The following MFSD12 variants were observed in gnomAD, a reference collection of about 807,000 sequenced individuals.
MFSD12 encodes major facilitator superfamily domain-containing protein 12.
A neutral mutation model predicts 51.2 loss-of-function variants in MFSD12; 67 were observed. The ratio of observed to expected loss-of-function variants is 1.31; its 90% CI spans 1.08 to 1.60. The LOEUF is 1.60. MFSD12 is among the 40% of genes most tolerant of loss of function. The probability of loss-of-function intolerance (pLI) is 0.00; values close to 1 mark genes in which losing one functional copy is unlikely to be tolerated. For missense variants in MFSD12, 921 were observed against 673.0 expected, an observed-to-expected ratio of 1.37 and a Z score of -4.08; for synonymous variants, 441 against 316.7, an observed-to-expected ratio of 1.39 and a Z score of -4.17.
At chr19:3,540,128 C>T (rs1393014754), downstream of MFSD12, 1 of 127,260 alleles carries the variant, frequency 7.9e-6, no homozygotes, top group Non-Finnish European at 1.6e-5. Flanking sequence ...CAGTCTCATA[C>T]TGTTGCCCAG....
At chr19:3,543,777 T>C, downstream of MFSD12, 1 of 1,491,018 alleles carries the variant, frequency 6.7e-7, no homozygotes, top group Non-Finnish European at 9.0e-7. Flanking sequence ...AGCCCCTTGC[T>C]GGCCAACGGC....
At position 3,557,233 on chromosome 19, in the gene MFSD12, G is replaced by A; in HGVS notation, c.171C>T (p.Gly57=). Residue 57 remains glycine (G), a synonymous_variant, in exon 1 of 10, where the codon GGC becomes GGT. Coordinates refer to ENST00000355415, the MANE Select transcript of MFSD12 (RefSeq NM_174983.5). The part of the protein sequence containing the change: ...LHSVRAYSSR[G]AGLLLLLGQV... ...GGCCCAGCAGCAGCAGCAGCCCCGC[G>A]CCGCGGGAGCTGTAGGCGCGCACCG... 1 of 1,591,766 alleles carries A rather than the reference G, an allele frequency of 6.3e-7. No homozygotes were observed. Among genetic ancestry groups the A allele is most frequent in the Non-Finnish European group, 8.5e-7 (1 of 1,171,130 alleles).
At chr19:3,555,270 G>A (rs550049675) in intron 1 of MFSD12, among the ~76,000 whole-genome samples, 13 of 152,186 alleles carry the variant, frequency 8.5e-5, no homozygotes, top group Admixed American at 2.6e-4. Context: ...CACCACGCTC[G>A]GCTAATTTTT....
At position 3,546,313 on chromosome 19, in the gene MFSD12, C is replaced by G; in HGVS notation, c.1136G>C (p.Cys379Ser). 1 of 1,609,488 alleles carries G rather than the reference C, an allele frequency of 6.2e-7. No homozygotes were observed. Among genetic ancestry groups the G allele is most frequent in the Non-Finnish European group, 8.5e-7 (1 of 1,178,732 alleles). The stretch of plus-strand genomic sequence containing the variant: ...CAGCGAGGTGACGAGGATGGTGGCA[C>G]AGCCAGCACCCAGCAGCACAGCCGC... ...YAAAVLLGAGCATILVTSLAM... is the reference protein window; with the variant it reads ...YAAAVLLGAGSATILVTSLAM... The change falls in exon 7 of 10, where the codon TGT (cysteine) becomes TCT (serine). Residue 379 changes from cysteine (C) to serine (S), a missense_variant. Cys to Ser is a moderately radical substitution (Grantham distance 112). Coordinates refer to ENST00000355415, the MANE Select transcript of MFSD12 (RefSeq NM_174983.5).
At chr19:3,545,493 G>C (rs1337749537) in intron 8 of MFSD12, among the ~76,000 whole-genome samples, 1 of 152,206 alleles carries the variant, frequency 6.6e-6, no homozygotes, top group Non-Finnish European at 1.5e-5. Context: ...GGCACTACTT[G>C]TCCCTCCCCA....
chr19:3,540,084 CT>C (rs1341120606), downstream of MFSD12: 3 of 132,100 alleles, frequency 2.3e-5, no homozygotes, highest in African/African-American at 8.7e-5. Flanking sequence ...AGACCCATCT[CT>C]TTTCTTTTTT....
At chr19:3,550,764 T>TATC (rs1253734375) in intron 2 of MFSD12, among the ~76,000 whole-genome samples, 5 of 151,254 alleles carry the variant, frequency 3.3e-5, no homozygotes, top group African/African-American at 1.2e-4. Context: ...GAGGCAAGAG[T>TATC]ATCACTTGAG....
At chr19:3,540,089 C>CTTTTTTTTTTTTTTTTTTT (rs770199097), downstream of MFSD12, 2 of 88,190 alleles carry the variant, frequency 2.3e-5, no homozygotes, top group African/African-American at 3.9e-5. Context: ...CATCTCTTTT[C>CTTTTTTTTTTTTTTTTTTT]TTTTTTTTTT....
At chr19:3,543,465 T>C (rs551387577), downstream of MFSD12, 3 of 1,524,264 alleles carry the variant, frequency 2.0e-6, no homozygotes, top group South Asian at 1.2e-5. Context: ...GAGTGCAGCA[T>C]GCCATCGGGT....
chr19:3,546,872 C>T lies in MFSD12; in HGVS notation c.1023+400G>A, dbSNP rs532189574. Among the ~76,000 whole-genome samples, 379 of 152,098 alleles carry T rather than the reference C, an allele frequency of 2.5e-3. 2 individuals carry two copies. The highest frequency in any genetic ancestry group is 8.6e-3 in the African/African-American group (357 of 41,504). ...TCTGGAGACAAGAGTCTCGCTGTGT[C>T]GCCCAGGCTGGAGTGCAGTGGTGTG... On this transcript the variant is annotated intron_variant, in intron 6 of 9. Coordinates refer to ENST00000355415, the MANE Select transcript of MFSD12 (RefSeq NM_174983.5).
At chr19:3,540,160 C>T (rs1306518235), downstream of MFSD12, 8 of 136,026 alleles carry the variant, frequency 5.9e-5, no homozygotes, top group African/African-American at 2.2e-4. Context: ...GTGGCGCAAT[C>T]TTGGCTCACT....
chr19:3,544,529 C>T lies in MFSD12; in HGVS notation c.*181G>A. The T allele has an allele frequency of 1.4e-6, 2 of 1,407,862 alleles. No individual in the cohort carries two copies. The highest frequency in any genetic ancestry group is 9.2e-7 in the Non-Finnish European group (1 of 1,083,552). 87.2% of individuals were successfully genotyped at this position (1,407,862 alleles called of 1,614,324 possible). A position where few individuals can be genotyped will look rare whatever the true frequency, so the allele number is the denominator to read the frequency against. On this transcript the variant is annotated 3_prime_UTR_variant, in exon 10 of 10. Transcript: ENST00000355415. ...ACCCTCAAAACCCAGGGGGTCCTTG[C>T]AAGTCCCTGGCGGGCATCCCTGCTG...
Position 3,544,515 on chromosome 19 carries a change from C to A in MFSD12, c.*195G>T. On this transcript the variant is annotated 3_prime_UTR_variant, in exon 10 of 10. Transcript: ENST00000355415. ...GTTGAGAATGGGACACCCTCAAAACCCAGGGGGTCCTTGCAAGTCCCTGGC... is the reference window on the plus strand; with the variant it reads ...GTTGAGAATGGGACACCCTCAAAACACAGGGGGTCCTTGCAAGTCCCTGGC... 1 of 1,404,500 alleles carries A rather than the reference C, an allele frequency of 7.1e-7. No homozygotes were observed. Among genetic ancestry groups the A allele is most frequent in the South Asian group, 1.7e-5 (1 of 60,382 alleles). 87.0% of individuals were successfully genotyped at this position (1,404,500 alleles called of 1,614,324 possible).
Position 3,546,299 on chromosome 19 carries a change from C to T in MFSD12, c.1150G>A (p.Val384Ile), listed in dbSNP as rs369817504. 7.0e-5 allele frequency: 112 copies of T among 1,610,026 alleles called. No individual in the cohort carries two copies. The highest frequency in any genetic ancestry group is 3.3e-4 in the Middle Eastern group (2 of 6,078). Reference protein sequence around the residue: ...LLGAGCATILVTSLAMTADLI... With the variant: ...LLGAGCATILITSLAMTADLI... The stretch of plus-strand genomic sequence containing the variant: ...TCGGCCGTCATGGCCAGCGAGGTGA[C>T]GAGGATGGTGGCACAGCCAGCACCC... Residue 384 changes from valine to isoleucine, a missense_variant, in exon 7 of 10, where the codon GTC becomes ATC. Val to Ile is a conservative substitution (Grantham distance 29). Coordinates refer to ENST00000355415, the MANE Select transcript of MFSD12 (RefSeq NM_174983.5).
chr19:3,544,989 G>T (rs201185359), intron 8 of MFSD12, 50 bp from the exon 9 acceptor site: 5 of 1,542,186 alleles, frequency 3.2e-6, no homozygotes, highest in African/African-American at 1.4e-5. Context: ...CCACCCCCCC[G>T]CCACCCAAGC....
At chr19:3,540,089 C>CTTTTTTTTTTTTTT (rs770199097), downstream of MFSD12, 21 of 88,198 alleles carry the variant, frequency 2.4e-4, 1 homozygote, top group African/African-American at 7.0e-4. Flanking sequence ...CATCTCTTTT[C>CTTTTTTTTTTTTTT]TTTTTTTTTT....
Position 3,546,422 on chromosome 19 carries a change from T to C in MFSD12, c.1027A>G (p.Thr343Ala). 1 of 1,604,342 alleles carries C rather than the reference T, an allele frequency of 6.2e-7. No homozygotes were observed. Among genetic ancestry groups the C allele is most frequent in the African/African-American group, 1.3e-5 (1 of 74,926 alleles). ...PINKCIGRNM[T>A]YFSGLLVILA... ...ATCACCAGGAGGCCTGAGAAGTAGG[T>C]CATCTGCAGGGACAGCCCCGGGGTC... Residue 343 changes from threonine (T) to alanine (A), a missense_variant, in exon 7 of 10, where the codon ACC (threonine) becomes GCC (alanine). By Grantham distance (58) the Thr-to-Ala change is moderately conservative (BLOSUM62 0). Coordinates refer to ENST00000355415, the MANE Select transcript of MFSD12 (RefSeq NM_174983.5).
At chr19:3,553,460 G>A (rs575027441) in intron 1 of MFSD12, among the ~76,000 whole-genome samples, 7 of 119,804 alleles carry the variant, frequency 5.8e-5, no homozygotes, top group Non-Finnish European at 1.0e-4. Flanking sequence ...GCGACAGAGC[G>A]AGACCCTGTC....
At chr19:3,541,689 CG>C, downstream of MFSD12, 1 of 985,264 alleles carries the variant, frequency 1.0e-6, no homozygotes, top group Non-Finnish European at 1.2e-6. Flanking sequence ...TGTGTAATAA[CG>C]GGGGTGAGTG....
Sources: gnomAD v4.1 joint callset for allele counts (sites outside exome capture counted in the v4.1 genomes callset) on GRCh38, gnomAD v4.1.1 for gene constraint, MANE v1.5 for transcripts, NCBI Gene and HGNC (gene_info 2026-07-23, HGNC 2026-07-21) for gene names.